Variants in PI4K2A observed in about 807,000 individuals in gnomAD.
PI4K2A encodes phosphatidylinositol 4-kinase type 2 alpha, also known as phosphatidylinositol 4-kinase type 2-alpha.
In PI4K2A, 20 loss-of-function variants were observed where a neutral mutation model predicts 55.0. That is an observed-to-expected ratio of 0.36 (90% CI 0.26 to 0.53). The LOEUF (loss-of-function observed/expected upper bound fraction) is 0.53. PI4K2A is among the 20% of genes least tolerant of loss of function. The probability of loss-of-function intolerance (pLI) is 0.91; values close to 1 mark genes in which losing one functional copy is unlikely to be tolerated. For synonymous variants in PI4K2A, 235 were observed against 258.5 expected (o/e 0.91, Z 0.87); for missense variants, 463 against 637.1 (o/e 0.73, Z 2.94).
chr10:97,646,361 C>T (rs1459920862), intron 1 of PI4K2A, among the ~76,000 whole-genome samples: 10 of 151,684 alleles, frequency 6.6e-5, no homozygotes, highest in Admixed American at 2.0e-4. Context: ...ATTACAGGTG[C>T]GCCCACCACC....
Position 97,656,524 on chromosome 10 carries a change from G to A in PI4K2A, c.768+108G>A, listed in dbSNP as rs1238835396. 2.9e-6 allele frequency: 3 copies of A among 1,046,426 alleles called. No homozygotes were observed. Among genetic ancestry groups the A allele is most frequent in the Non-Finnish European group, 4.3e-6 (3 of 704,950 alleles). The allele number at this position is 1,046,426 out of a possible 1,614,324, so 64.8% of individuals were successfully genotyped here. A position where few individuals can be genotyped will look rare whatever the true frequency, so the allele number is the denominator to read the frequency against. ...TCAAATATGGGCACGTGAATAACCT[G>A]CCCTGAGGATCCTGTCTTCCTTATT... On this transcript the variant is annotated intron_variant, in intron 3 of 8. Coordinates refer to ENST00000370631, the Ensembl canonical transcript of PI4K2A. The surrounding 1 kb of genome is among the most constrained non-coding windows in gnomAD (Gnocchi z 4.5).
intron 1 of PI4K2A, among the ~76,000 whole-genome samples, chr10:97,647,735 TC>T (rs2041512276): frequency 6.7e-6 from 1 of 149,940 alleles, no homozygotes; most frequent in Admixed American, 6.7e-5. Flanking sequence ...CCCTCATTGA[TC>T]TAGTCCAGGC....
At chr10:97,651,979 G>A (rs1391904616) in intron 2 of PI4K2A, among the ~76,000 whole-genome samples, 3 of 152,142 alleles carry the variant, frequency 2.0e-5, no homozygotes. Context: ...TAACAACTTA[G>A]GTGGGACTCT....
chr10:97,667,189 T>A, intron 8 of PI4K2A, 69 bp downstream of exon 8: 2 of 1,194,314 alleles, frequency 1.7e-6, no homozygotes, highest in Non-Finnish European at 2.4e-6. Flanking sequence ...GTTGAGCAAA[T>A]GTTTGAAGTT....
At chr10:97,640,928 G>C (rs2041464341) in exon 1 of PI4K2A, 1 of 1,354,634 alleles carries the variant, frequency 7.4e-7, no homozygotes, top group Non-Finnish European at 9.4e-7. Flanking sequence ...AGCCACTGTT[G>C]GATCGGGCCC....
chr10:97,650,724 A>T (rs1001202715), intron 1 of PI4K2A, among the ~76,000 whole-genome samples: 1 of 152,174 alleles, frequency 6.6e-6, no homozygotes, highest in Non-Finnish European at 1.5e-5. Context: ...AAGACTTAAG[A>T]TGTTCTTTGG....
chr10:97,650,756 G>C (rs2041526852), intron 1 of PI4K2A, among the ~76,000 whole-genome samples, 185 bp from the exon 2 acceptor site: 1 of 152,158 alleles, frequency 6.6e-6, no homozygotes, highest in Non-Finnish European at 1.5e-5. Context: ...TCTAGCAGTG[G>C]GTCTCTTAGC....
In PI4K2A at chr10:97,643,264, C is replaced by G. The variant is rs530071661; in HGVS notation, c.435+2087C>G. On this transcript the variant is annotated intron_variant, in intron 1 of 8. Coordinates refer to ENST00000370631, the Ensembl canonical transcript of PI4K2A. ...TCAGCCTCCCAAAGTGCTGGGATTA[C>G]AGGTGTGACCCACCATGCCTGTCCT... 4.7e-4 allele frequency among the ~76,000 whole-genome samples: 71 copies of G among 152,288 alleles called. 1 individual carries two copies. Among genetic ancestry groups the G allele is most frequent in the African/African-American group, 1.6e-3 (65 of 41,536 alleles).
chr10:97,672,104 G>A (rs1198125752), intron 8 of PI4K2A, among the ~76,000 whole-genome samples: 2 of 149,348 alleles, frequency 1.3e-5, no homozygotes, highest in East Asian at 2.0e-4. Flanking sequence ...GTGCAGTGGC[G>A]CAGTCTTGGC....
rs1042952209 is a variant in PI4K2A at position 97,655,527 on chromosome 10, C to T, written c.637-758C>T. ...TTGTACTTCATACTAGCTGCTGTAA[C>T]AACCCTTAAATCTAAGTGGTTTAAT... On this transcript the variant is annotated intron_variant, in intron 2 of 8. Coordinates refer to ENST00000370631, the Ensembl canonical transcript of PI4K2A. Among the ~76,000 whole-genome samples the T allele has an allele frequency of 5.3e-5, 8 of 152,040 alleles. 1 individual carries two copies. The highest frequency in any genetic ancestry group is 8.8e-5 in the Non-Finnish European group (6 of 68,010).
At chr10:97,672,758 G>A (rs2041642878) in intron 8 of PI4K2A, among the ~76,000 whole-genome samples, 1 of 109,124 alleles carries the variant, frequency 9.2e-6, no homozygotes, top group Non-Finnish European at 1.7e-5. Context: ...TTGAGACAGG[G>A]TCTTGCTCTG....
At chr10:97,664,746 G>T in intron 5 of PI4K2A, 139 bp from the exon 6 acceptor site, 1 of 615,624 alleles carries the variant, frequency 1.6e-6, no homozygotes. Context: ...CAACATGGAA[G>T]CCAGTTCAGA....
intron 1 of PI4K2A, among the ~76,000 whole-genome samples, chr10:97,645,592 A>G (rs762473459): frequency 6.8e-6 from 1 of 147,046 alleles, no homozygotes; most frequent in Non-Finnish European, 1.5e-5. Flanking sequence ...TGGGCGAGAC[A>G]GCAAGACTCT....
At chr10:97,649,608 GATTTTTTTTTTTTT>G (rs2041520851) in intron 1 of PI4K2A, among the ~76,000 whole-genome samples, 1 of 73,914 alleles carries the variant, frequency 1.4e-5, no homozygotes, top group East Asian at 3.9e-4. Context: ...TTCCATAATA[GATTTTTTTTTTTTT>G]TTTTTTTTTT....
At chr10:97,652,246 C>T (rs1564774135) in intron 2 of PI4K2A, among the ~76,000 whole-genome samples, 1 of 152,100 alleles carries the variant, frequency 6.6e-6, no homozygotes, top group South Asian at 2.1e-4. Flanking sequence ...TATCTGTTGA[C>T]ACCCCAGGGA....
intron 8 of PI4K2A, among the ~76,000 whole-genome samples, chr10:97,672,276 C>T (rs1238348557): frequency 1.3e-5 from 2 of 150,200 alleles, no homozygotes; most frequent in African/African-American, 2.5e-5. Context: ...CTCCTGACCT[C>T]GTGATCTGCC....
intron 1 of PI4K2A, 144 bp from the exon 2 acceptor site, chr10:97,650,797 C>G (rs1439120883): frequency 6.3e-6 from 4 of 634,356 alleles, no homozygotes; most frequent in Non-Finnish European, 1.1e-5. Flanking sequence ...TTCCCCTTAC[C>G]AACTGGGAGA....
rs552951739 is a variant in PI4K2A at position 97,661,506 on chromosome 10, T to C, written c.923-1401T>C. ...TGATATAAAGGTCCACATATTACAT[T>C]TGGTTAATATCTTTCCTTTCTGTTT... On this transcript the variant is annotated intron_variant, in intron 4 of 8. Coordinates refer to ENST00000370631, the Ensembl canonical transcript of PI4K2A. Among the ~76,000 whole-genome samples, 52 of 152,160 alleles carry C rather than the reference T, an allele frequency of 3.4e-4. 1 individual carries two copies. Among genetic ancestry groups the C allele is most frequent in the Middle Eastern group, 3.4e-3 (1 of 294 alleles).
chr10:97,675,009 C>G (rs1360184060), exon 9 of PI4K2A: 2 of 153,462 alleles, frequency 1.3e-5, no homozygotes, highest in African/African-American at 4.8e-5. Flanking sequence ...TCCCCACCCC[C>G]ACTTGCCAGG....
Sources: allele counts gnomAD v4.1 joint callset (sites outside exome capture counted in the v4.1 genomes callset), GRCh38; gene constraint gnomAD v4.1.1; non-coding constraint Gnocchi (gnomAD v3.1); transcripts MANE v1.5; gene names NCBI Gene and HGNC (gene_info 2026-07-23, HGNC 2026-07-21).